Variants in LRWD1 observed in about 807,000 individuals in gnomAD.
The protein encoded by LRWD1 is leucine rich repeats and WD repeat domain containing 1.
Under a neutral mutation model 75.6 loss-of-function variants are expected in LRWD1, and 76 were observed. That is an observed-to-expected ratio of 1.01 (90% CI 0.84 to 1.22). The LOEUF (loss-of-function observed/expected upper bound fraction) is 1.22. LRWD1 is among the 50% of genes most tolerant of loss of function. The pLI, the probability that LRWD1 is intolerant of heterozygous loss-of-function variation, is 0.00. For synonymous variants in LRWD1, 487 were observed against 377.0 expected (o/e 1.29, Z -3.38); for missense variants, 917 against 862.0 (o/e 1.06, Z -0.80).
At position 102,472,468 on chromosome 7, in the gene LRWD1, G is replaced by A. The variant is rs947710319; in HGVS notation, c.1549G>A (p.Gly517Ser). 36 of 1,536,704 alleles carry A rather than the reference G, an allele frequency of 2.3e-5. No individual in the cohort carries two copies. Among genetic ancestry groups the A allele is most frequent in the Middle Eastern group, 1.7e-4 (1 of 5,936 alleles). ...CTCCCCCACAGCCTCCAAGGGGAGCGGCCTGGGCACCATCTGCCTGTGGAG... is the reference window on the plus strand; with the variant it reads ...CTCCCCCACAGCCTCCAAGGGGAGCAGCCTGGGCACCATCTGCCTGTGGAG... Reference protein sequence around the residue: ...NEDIVASKGSGLGTICLWSWR... With the variant: ...NEDIVASKGSSLGTICLWSWR... Residue 517 changes from glycine to serine, a missense_variant, in exon 13 of 15, where the codon GGC (glycine) becomes AGC (serine). By Grantham distance (56) the Gly-to-Ser change is moderately conservative. Transcript: ENST00000292616.
At chr7:102,471,357 G>GT (rs1798178793) in intron 11 of LRWD1, 1 of 154,360 alleles carries the variant, frequency 6.5e-6, no homozygotes, top group African/African-American at 2.4e-5. Context: ...GTGAGCCACT[G>GT]CCCTGGGCCA....
At position 102,469,891 on chromosome 7, in the gene LRWD1, G is replaced by A. The variant is rs1798135111; in HGVS notation, c.1442+9G>A. The A allele has an allele frequency of 6.6e-7, 1 of 1,521,992 alleles. No homozygotes were observed. Among genetic ancestry groups the A allele is most frequent in the East Asian group, 2.3e-5 (1 of 43,424 alleles). 94.3% of individuals were successfully genotyped at this position (1,521,992 alleles called of 1,614,324 possible). A position where few individuals can be genotyped will look rare whatever the true frequency, so the allele number is the denominator to read the frequency against. On this transcript the variant is annotated intron_variant, in intron 11 of 14. Coordinates refer to ENST00000292616, the MANE Select transcript of LRWD1 (RefSeq NM_152892.3). ...CAGCCCCAAAAGAGGAGGTGAGGCTGGGCAGGGGGCGCCTTGGAAGCCAGG... is the reference window on the plus strand; with the variant it reads ...CAGCCCCAAAAGAGGAGGTGAGGCTAGGCAGGGGGCGCCTTGGAAGCCAGG...
Position 102,473,122 on chromosome 7 carries a change from G to GT in LRWD1, c.*73_*74insT. 6.8e-7 allele frequency: 1 copy of GT among 1,462,682 alleles called. No homozygotes were observed. Among genetic ancestry groups the GT allele is most frequent in the Non-Finnish European group, 9.2e-7 (1 of 1,084,714 alleles). 90.6% of individuals were successfully genotyped at this position (1,462,682 alleles called of 1,614,324 possible). Reference sequence around the variant, plus strand: ...AGCTTTGGGCCGATGGGGGTGGGGGGGGGTCTTTCAGTGAATATTTTTATT... The same window carrying GT: ...AGCTTTGGGCCGATGGGGGTGGGGGGTGGGTCTTTCAGTGAATATTTTTATT... On this transcript the variant is annotated 3_prime_UTR_variant, in exon 15 of 15. Transcript: ENST00000292616.
chr7:102,465,488 GCTTTTTT>G lies in LRWD1; in HGVS notation c.81-328_81-322del, dbSNP rs766123841. On this transcript the variant is annotated intron_variant, in intron 1 of 14. Transcript: ENST00000292616. ...GCCCCCGAGTCCTAAAGTAGTTGCA[GCTTTTTT>G]TTTTTTTTTTTTTTTTTTTTTTTTT... The G allele has an allele frequency of 2.2e-3, 234 of 108,030 alleles. 55 individuals are homozygous for G. Among genetic ancestry groups the G allele is most frequent in the East Asian group, 6.1e-3 (17 of 2,784 alleles). The allele number at this position is 108,030 out of a possible 1,614,324, so 6.7% of individuals were successfully genotyped here.
chr7:102,467,896 G>A (rs536631651), intron 5 of LRWD1, 73 bp downstream of exon 5: 27 of 1,511,186 alleles, frequency 1.8e-5, no homozygotes, highest in South Asian at 9.7e-5. Flanking sequence ...AGACCAAGGC[G>A]TCCTGGGCAT....
Position 102,468,091 on chromosome 7 carries a change from C to A in LRWD1, c.708C>A (p.Asp236Glu). ...RARLAALKRP[D>E]DVPLSLSPSK... ...GACTGGCGGCCTTGAAACGGCCAGA[C>A]GACGTCCCACTCAGCCTCTCTCCCA... is the stretch of plus-strand genomic sequence containing the variant. The change falls in exon 6 of 15, where the codon GAC becomes GAA. Residue 236 changes from aspartate (D) to glutamate (E), a missense_variant. Coordinates refer to ENST00000292616, the MANE Select transcript of LRWD1 (RefSeq NM_152892.3). 1 of 1,609,400 alleles carries A rather than the reference C, an allele frequency of 6.2e-7. No homozygotes were observed. The highest frequency in any genetic ancestry group is 8.5e-7 in the Non-Finnish European group (1 of 1,179,570).
chr7:102,469,839 T>C lies in LRWD1; in HGVS notation c.1399T>C (p.Cys467Arg). Reference protein sequence around the residue: ...ARLLAGCEGGCCCWDVRLDQP... With the variant: ...ARLLAGCEGGRCCWDVRLDQP... Reference sequence around the variant, plus strand: ...CCTGCTGGCCGGCTGCGAGGGCGGCTGCTGCTGCTGGGACGTGCGGCTGGA... The same window carrying C: ...CCTGCTGGCCGGCTGCGAGGGCGGCCGCTGCTGCTGGGACGTGCGGCTGGA... The change falls in exon 11 of 15, where the codon TGC (cysteine) becomes CGC (arginine). Residue 467 changes from cysteine (C) to arginine (R), a missense_variant. Cys to Arg is a radical substitution (Grantham distance 180). Coordinates refer to ENST00000292616, the MANE Select transcript of LRWD1 (RefSeq NM_152892.3). 1 of 1,599,520 alleles carries C rather than the reference T, an allele frequency of 6.3e-7. No homozygotes were observed. Among genetic ancestry groups the C allele is most frequent in the Non-Finnish European group, 8.5e-7 (1 of 1,173,926 alleles).
intron 3 of LRWD1, among the ~76,000 whole-genome samples, chr7:102,466,686 G>C (rs377263679): frequency 6.6e-6 from 1 of 150,970 alleles, no homozygotes; most frequent in African/African-American, 2.4e-5. Flanking sequence ...CCAAAGTGTC[G>C]GGATTACAGG....
chr7:102,472,587 CT>C lies in LRWD1; in HGVS notation c.1670del (p.Phe557SerfsTer30). 2 of 1,608,768 alleles carry C rather than the reference CT, an allele frequency of 1.2e-6. No individual in the cohort carries two copies. Among genetic ancestry groups the C allele is most frequent in the South Asian group, 2.2e-5 (2 of 90,790 alleles). ...LQWSSTELAY[F>X]SLSACPDKGI... ...AATGGTCGTCCACCGAGTTGGCCTACTTCTCGCTCAGCGCCTGCCCTGGTGA... is the reference window on the plus strand; with the variant it reads ...AATGGTCGTCCACCGAGTTGGCCTACTCTCGCTCAGCGCCTGCCCTGGTGA... On this transcript the variant is annotated frameshift_variant, in exon 13 of 15. Coordinates refer to ENST00000292616, the MANE Select transcript of LRWD1 (RefSeq NM_152892.3). LOFTEE classifies it high-confidence loss of function.
intron 3 of LRWD1, among the ~76,000 whole-genome samples, 158 bp from the exon 4 acceptor site, chr7:102,467,172 GTGTGTGTGT>G (rs1798028446): frequency 5.1e-4 from 12 of 23,550 alleles, no homozygotes; most frequent in Admixed American, 4.0e-3. Context: ...TGTGTGTGGG[GTGTGTGTGT>G]GTGTGTGTGT....
In LRWD1 at chr7:102,473,067, G is replaced by C. The variant is rs200399971; in HGVS notation, c.*18G>C. ...GGATGTAGCCTCACACCATCGCAAA[G>C]GACCAGGGACACAGCTAACTAACTT... is the stretch of plus-strand genomic sequence containing the variant. On this transcript the variant is annotated 3_prime_UTR_variant, in exon 15 of 15. Transcript: ENST00000292616. 65 of 1,599,538 alleles carry C rather than the reference G, an allele frequency of 4.1e-5. No individual in the cohort carries two copies. In the East Asian group the frequency reaches 1.4e-3, roughly 34 times the overall value.
chr7:102,468,385 G>A lies in LRWD1; in HGVS notation c.919+8G>A, dbSNP rs1357227263. ...AGCCGGCCTGGGAGGAGGGTACATG[G>A]TGGCGGGCAGGCGGGGCAAGGGCCG... On this transcript the variant is annotated splice_region_variant and intron_variant, in intron 7 of 14. Transcript: ENST00000292616. 6.3e-7 allele frequency: 1 copy of A among 1,597,560 alleles called. No individual in the cohort carries two copies. The highest frequency in any genetic ancestry group is 1.1e-5 in the South Asian group (1 of 88,746).
chr7:102,467,171 G>GGGGTGTGTGT (rs1245223810), intron 3 of LRWD1, among the ~76,000 whole-genome samples, 168 bp from the exon 4 acceptor site: 7 of 99,116 alleles, frequency 7.1e-5, no homozygotes, highest in Non-Finnish European at 9.7e-5. Context: ...GTGTGTGTGG[G>GGGGTGTGTGT]GTGTGTGTGT....
At position 102,467,767 on chromosome 7, in the gene LRWD1, CA is replaced by C. The variant is rs1295218868; in HGVS notation, c.626del (p.Lys209ArgfsTer24). ...GGTGGCCGCCAGTAGGACCCAGGTG[CA>C]AAAGGCTAACAGCCCAGAGAAGCCC... ...ELVAASRTQV[Q>X]KANSPEKPPE... is the part of the protein sequence containing the mutation. On this transcript the variant is annotated frameshift_variant, in exon 5 of 15. Coordinates refer to ENST00000292616, the MANE Select transcript of LRWD1 (RefSeq NM_152892.3). LOFTEE classifies it high-confidence loss of function. 1 of 1,552,044 alleles carries C rather than the reference CA, an allele frequency of 6.4e-7. No individual in the cohort carries two copies. The highest frequency in any genetic ancestry group is 8.7e-7 in the Non-Finnish European group (1 of 1,147,370).
intron 5 of LRWD1, 111 bp downstream of exon 5, chr7:102,467,934 C>A: frequency 1.3e-6 from 2 of 1,499,716 alleles, no homozygotes; most frequent in South Asian, 2.5e-5. Context: ...CAGGTCCTGG[C>A]TCACTCCCTA....
rs770332230 is a variant in LRWD1 at position 102,469,812 on chromosome 7, C to T, written c.1372C>T (p.Arg458Cys). 60 of 1,607,330 alleles carry T rather than the reference C, an allele frequency of 3.7e-5. No individual in the cohort carries two copies. Among genetic ancestry groups the T allele is most frequent in the Middle Eastern group, 1.7e-4 (1 of 6,060 alleles). ...CCCTGTCGCCTCCTGCCCGGACGCC[C>T]GCCTGCTGGCCGGCTGCGAGGGCGG... ...LCPVASCPDARLLAGCEGGCC... is the reference protein window; with the variant it reads ...LCPVASCPDACLLAGCEGGCC... The change falls in exon 11 of 15, where the codon CGC (arginine) becomes TGC (cysteine). Residue 458 changes from arginine to cysteine, a missense_variant. Physicochemically the swap from Arg to Cys is radical, Grantham distance 180. Transcript: ENST00000292616.
chr7:102,473,110 TGGGGGTG>T lies in LRWD1; in HGVS notation c.*67_*73del. 8.4e-7 allele frequency: 1 copy of T among 1,192,776 alleles called. No homozygotes were observed. Among genetic ancestry groups the T allele is most frequent in the Non-Finnish European group, 1.1e-6 (1 of 871,894 alleles). 73.9% of individuals were successfully genotyped at this position (1,192,776 alleles called of 1,614,324 possible). A position where few individuals can be genotyped will look rare whatever the true frequency, so the allele number is the denominator to read the frequency against. On this transcript the variant is annotated 3_prime_UTR_variant, in exon 15 of 15. Transcript: ENST00000292616. ...ACTAACTTATTCAGCTTTGGGCCGA[TGGGGGTG>T]GGGGGGGGTCTTTCAGTGAATATTT...
chr7:102,470,024 C>T, intron 11 of LRWD1, 142 bp downstream of exon 11: 3 of 1,069,114 alleles, frequency 2.8e-6, no homozygotes, highest in Non-Finnish European at 3.8e-6. Flanking sequence ...CTGGCTTGTC[C>T]CACCTTTCTG....
At position 102,467,191 on chromosome 7, in the gene LRWD1, T is replaced by TGTGC; in HGVS notation, c.433-145_433-144insCGTG. The stretch of plus-strand genomic sequence containing the variant: ...TGTGGGGTGTGTGTGTGTGTGTGTG[T>TGTGC]GTGTGTGTGTGTGTGTGTGTGTGTT... On this transcript the variant is annotated intron_variant, in intron 3 of 14. Transcript: ENST00000292616. 1.2e-5 allele frequency: 8 copies of TGTGC among 677,714 alleles called. No individual in the cohort carries two copies. In the South Asian group the frequency reaches 1.4e-4, roughly 12 times the overall value. 42.0% of individuals were successfully genotyped at this position (677,714 alleles called of 1,614,324 possible). A position where few individuals can be genotyped will look rare whatever the true frequency, so the allele number is the denominator to read the frequency against.
Sources: allele counts gnomAD v4.1 joint callset (sites outside exome capture counted in the v4.1 genomes callset), GRCh38; gene constraint gnomAD v4.1.1; transcripts MANE v1.5; gene names NCBI Gene and HGNC (gene_info 2026-07-23, HGNC 2026-07-21).